FRMPD4: variants seen among roughly 807,000 people sequenced by gnomAD.
The protein encoded by FRMPD4 is FERM and PDZ domain containing 4.
In FRMPD4, 22 loss-of-function variants were observed where a neutral mutation model predicts 94.1. That is an observed-to-expected ratio of 0.23 (90% CI 0.17 to 0.33). The LOEUF is 0.33. Among genes scored for constraint, FRMPD4 ranks in the 10% least tolerant of loss-of-function variants. The pLI is 1.00. For missense variants in FRMPD4, 1,111 were observed against 1,339.9 expected, an observed-to-expected ratio of 0.83 and a Z score of 2.67; for synonymous variants, 631 against 548.6, an observed-to-expected ratio of 1.15 and a Z score of -2.10.
At chrX:12,664,593 G>T (rs765116993) in intron 4 of FRMPD4, among the ~76,000 whole-genome samples, 1 of 111,983 alleles carries the variant, frequency 8.9e-6, no homozygotes, top group South Asian at 3.7e-4. Context: ...TGTGCTGCTG[G>T]ATTTGGTTTG....
At chrX:12,235,725 C>T (rs1034436904) in intron 1 of FRMPD4, among the ~76,000 whole-genome samples, 1 of 112,089 alleles carries the variant, frequency 8.9e-6, no homozygotes, top group Non-Finnish European at 1.9e-5. Context: ...CCAGAGCCAT[C>T]GCTCAATGCA....
chrX:12,455,939 C>T (rs1176030131), intron 1 of FRMPD4, among the ~76,000 whole-genome samples: 1 of 111,563 alleles, frequency 9.0e-6, no homozygotes. Flanking sequence ...GGATTATAGG[C>T]ATGCACCACC....
intron 3 of FRMPD4, among the ~76,000 whole-genome samples, chrX:12,110,258 G>C (rs1212958245): frequency 8.9e-6 from 1 of 112,107 alleles, no homozygotes; most frequent in Non-Finnish European, 1.9e-5. Flanking sequence ...TGCAAGGCTG[G>C]TTCAACATAG....
chrX:12,577,994 CCCGCTTTA>C (rs2058828499), intron 2 of FRMPD4, among the ~76,000 whole-genome samples: 1 of 112,609 alleles, frequency 8.9e-6, no homozygotes, highest in African/African-American at 3.2e-5. Flanking sequence ...TAGGTGAAGG[CCCGCTTTA>C]GGGCTTGCAG....
chrX:12,271,622 G>A (rs2054356119), intron 1 of FRMPD4, among the ~76,000 whole-genome samples: 1 of 112,171 alleles, frequency 8.9e-6, no homozygotes, highest in African/African-American at 3.2e-5. Context: ...TGCCACGTGA[G>A]CTAAACTAAA....
chrX:12,428,143 C>T (rs1246880063), intron 1 of FRMPD4, among the ~76,000 whole-genome samples: 1 of 109,633 alleles, frequency 9.1e-6, no homozygotes, highest in African/African-American at 3.3e-5. Context: ...GATCTCCTGA[C>T]CTCGTGATCT....
chrX:12,340,309 A>G (rs1440152451), intron 1 of FRMPD4, among the ~76,000 whole-genome samples: 2 of 112,514 alleles, frequency 1.8e-5, no homozygotes, highest in East Asian at 2.8e-4. Flanking sequence ...ACATTTAGTT[A>G]TGTGTAAAAT....
At chrX:12,244,978 T>C (rs2053933456) in intron 1 of FRMPD4, among the ~76,000 whole-genome samples, 1 of 112,645 alleles carries the variant, frequency 8.9e-6, no homozygotes, top group Non-Finnish European at 1.9e-5. Flanking sequence ...GGCGTAAAGT[T>C]TTTAAATTTG....
chrX:11,873,263 A>AG (rs1439727697), intron 2 of FRMPD4, among the ~76,000 whole-genome samples: 1 of 111,121 alleles, frequency 9.0e-6, no homozygotes, highest in Non-Finnish European at 1.9e-5. Context: ...GAAAAAAAAA[A>AG]CAGATTAGCA....
At chrX:11,839,371 T>G (rs1485672735) in intron 1 of FRMPD4, among the ~76,000 whole-genome samples, 1 of 111,774 alleles carries the variant, frequency 8.9e-6, no homozygotes, top group Non-Finnish European at 1.9e-5. Context: ...TTCATATACT[T>G]ATTAGTTATT....
intron 3 of FRMPD4, among the ~76,000 whole-genome samples, chrX:11,886,905 TC>T (rs2053848408): frequency 9.0e-6 from 1 of 110,925 alleles, no homozygotes; most frequent in South Asian, 3.9e-4. Context: ...ACATGTCTCC[TC>T]GGGGGGACCT....
intron 4 of FRMPD4, among the ~76,000 whole-genome samples, chrX:12,630,627 T>C (rs1482814859): frequency 8.9e-6 from 1 of 112,059 alleles, no homozygotes. Flanking sequence ...AAACAAATGA[T>C]AAACATCACA....
intron 1 of FRMPD4, among the ~76,000 whole-genome samples, chrX:12,328,899 G>A (rs772975866): frequency 8.9e-6 from 1 of 111,840 alleles, no homozygotes; most frequent in South Asian, 3.8e-4. Flanking sequence ...TACTGTAGGT[G>A]CCAAGGGAGA....
intron 16 of FRMPD4, among the ~76,000 whole-genome samples, chrX:12,719,390 T>A (rs1240300922): frequency 8.9e-6 from 1 of 112,321 alleles, no homozygotes; most frequent in African/African-American, 3.2e-5. Context: ...TAATAAAGTG[T>A]AAACACACGT....
chrX:12,352,555 T>G (rs762019152), intron 1 of FRMPD4, among the ~76,000 whole-genome samples: 54 of 112,731 alleles, frequency 4.8e-4, no homozygotes, highest in African/African-American at 1.5e-3. Flanking sequence ...TTGATAGGAA[T>G]GATTCACTTT....
chrX:12,604,877 C>T (rs1368298059), intron 2 of FRMPD4, among the ~76,000 whole-genome samples: 2 of 111,457 alleles, frequency 1.8e-5, no homozygotes, highest in Non-Finnish European at 3.8e-5. Flanking sequence ...CATGTGTTCT[C>T]ATCATTTAGC....
chrX:12,642,916 A>C (rs1422662554), intron 4 of FRMPD4, among the ~76,000 whole-genome samples: 1 of 111,503 alleles, frequency 9.0e-6, no homozygotes, highest in Non-Finnish European at 1.9e-5. Context: ...AAAAGGAAAA[A>C]GTAAGAAAAA....
chrX:11,868,560 A>G (rs1483570806), intron 2 of FRMPD4, among the ~76,000 whole-genome samples: 1 of 64,181 alleles, frequency 1.6e-5, no homozygotes, highest in Non-Finnish European at 3.2e-5. Flanking sequence ...TTGAGACACA[A>G]TTAGTAGAGG....
At chrX:12,482,825 G>A (rs940890202) in intron 1 of FRMPD4, among the ~76,000 whole-genome samples, 1 of 111,806 alleles carries the variant, frequency 8.9e-6, no homozygotes, top group Non-Finnish European at 1.9e-5. Flanking sequence ...GAAATCTGCT[G>A]TGTATTTCAG....
Sources: allele counts gnomAD v4.1 joint callset (sites outside exome capture counted in the v4.1 genomes callset), GRCh38; gene constraint gnomAD v4.1.1; transcripts MANE v1.5; gene names NCBI Gene and HGNC (gene_info 2026-07-23, HGNC 2026-07-21).